FHDC1: variants seen among roughly 807,000 people sequenced by gnomAD.
FHDC1 encodes FH2 domain-containing protein 1.
FHDC1 carries 25 observed loss-of-function variants against 52.6 expected under a neutral mutation model. The observed-to-expected ratio is 0.48, with a 90% CI of 0.35 to 0.66. The LOEUF (loss-of-function observed/expected upper bound fraction) is 0.66. FHDC1 is among the 30% of genes least tolerant of loss of function. The pLI, the probability that FHDC1 is intolerant of heterozygous loss-of-function variation, is 0.01. For synonymous variants in FHDC1, 616 were observed against 581.5 expected (o/e 1.06, Z -0.85); for missense variants, 1,459 against 1,452.8 (o/e 1.00, Z -0.07).
rs368429472 is a variant in FHDC1, at chr4:152,949,090, G to GTAATAATAA, written c.499-4381_499-4373dup. ...GGCAACAGAGCAAAACCTTGTCTCA[G>GTAATAATAA]TAATAATAATAATAATAATAATAAT... On this transcript the variant is annotated intron_variant, in intron 2 of 11. Coordinates refer to ENST00000511601, the MANE Select transcript of FHDC1 (RefSeq NM_001371116.1). Among the ~76,000 whole-genome samples the GTAATAATAA allele has an allele frequency of 9.4e-3, 1,104 of 117,472 alleles. 8 individuals are homozygous for GTAATAATAA. The highest frequency in any genetic ancestry group is 0.013 in the Middle Eastern group (3 of 238). 77.1% of individuals were successfully genotyped at this position (117,472 alleles called of 152,430 possible).
Position 152,976,523 on chromosome 4 carries a change from G to A in FHDC1, c.3232G>A (p.Ala1078Thr), listed in dbSNP as rs1740892388. Reference sequence around the variant, plus strand: ...GAGGGTGAAAGGGGACCCCGAGGATGCCGCTCCCAAGGACAGCAGCACTTT... The same window carrying A: ...GAGGGTGAAAGGGGACCCCGAGGATACCGCTCCCAAGGACAGCAGCACTTT... ...QLRVKGDPED[A>T]APKDSSTLRR... The change falls in exon 12 of 12, where the codon GCC becomes ACC. Residue 1078 changes from alanine (A) to threonine (T), a missense_variant. Ala to Thr is a moderately conservative substitution (Grantham distance 58). Transcript: ENST00000511601. The A allele has an allele frequency of 6.2e-7, 1 of 1,613,144 alleles. No individual in the cohort carries two copies.
At chr4:152,928,524 T>C in the FHDC1 span, among the ~76,000 whole-genome samples, 1 of 152,222 alleles carries the variant, frequency 6.6e-6, no homozygotes, top group African/African-American at 2.4e-5. Context: ...CCGGTCGACT[T>C]GCCAAAGGGT....
At chr4:152,912,509 AC>A in the FHDC1 span, among the ~76,000 whole-genome samples, 1 of 152,340 alleles carries the variant, frequency 6.6e-6, no homozygotes, top group South Asian at 2.1e-4. Context: ...AAAAGTATAT[AC>A]ATACTTCTAA....
At chr4:152,957,468 A>G (rs1216277154) in intron 4 of FHDC1, among the ~76,000 whole-genome samples, 1 of 152,222 alleles carries the variant, frequency 6.6e-6, no homozygotes, top group African/African-American at 2.4e-5. Flanking sequence ...TTGCTGAGTG[A>G]TACAGCAGCG....
At chr4:152,967,079 C>T (rs1370498176) in intron 9 of FHDC1, among the ~76,000 whole-genome samples, 3 of 152,056 alleles carry the variant, frequency 2.0e-5, no homozygotes, top group African/African-American at 4.8e-5. Context: ...ATGATCTTGC[C>T]ACTGCTCTTC....
In FHDC1 at chr4:152,959,116, A is replaced by G. The variant is rs141181536; in HGVS notation, c.664-1449A>G. Reference sequence around the variant, plus strand: ...ATCATAACCAAGGGAGTGGAAGATAATAAGCTTTATAAAGAATAATATGAA... The same window carrying G: ...ATCATAACCAAGGGAGTGGAAGATAGTAAGCTTTATAAAGAATAATATGAA... On this transcript the variant is annotated intron_variant, in intron 4 of 11. Coordinates refer to ENST00000511601, the MANE Select transcript of FHDC1 (RefSeq NM_001371116.1). Among the ~76,000 whole-genome samples the G allele has an allele frequency of 1.0e-3, 157 of 152,350 alleles. 1 individual carries two copies. The highest frequency in any genetic ancestry group is 3.7e-3 in the African/African-American group (154 of 41,580).
At chr4:152,949,118 T>TAAGAAGAAGAAGAAGAAG (rs758697130) in intron 2 of FHDC1, among the ~76,000 whole-genome samples, 25 of 75,870 alleles carry the variant, frequency 3.3e-4, no homozygotes, top group East Asian at 1.7e-3. Flanking sequence ...ATAATAATAA[T>TAAGAAGAAGAAGAAGAAG]AATAATAAGA....
intron 2 of FHDC1, among the ~76,000 whole-genome samples, chr4:152,948,745 C>T (rs1042554230): frequency 6.6e-6 from 1 of 152,112 alleles, no homozygotes; most frequent in Non-Finnish European, 1.5e-5. Context: ...TGTGAGCCAC[C>T]ACACTGGGCT....
intron 4 of FHDC1, among the ~76,000 whole-genome samples, chr4:152,956,974 C>T (rs147352229): frequency 2.4e-4 from 36 of 152,166 alleles, no homozygotes; most frequent in African/African-American, 7.7e-4. Context: ...AAGCCGAAGC[C>T]GCTCCCTGAC....
chr4:152,923,282 C>G, the FHDC1 span, among the ~76,000 whole-genome samples: 3 of 152,036 alleles, frequency 2.0e-5, no homozygotes, highest in African/African-American at 4.8e-5. Context: ...AATAAAATAC[C>G]TAGGAATCCA....
chr4:152,946,941 A>G (rs1041157733), intron 2 of FHDC1, among the ~76,000 whole-genome samples: 3 of 152,212 alleles, frequency 2.0e-5, no homozygotes, highest in East Asian at 3.8e-4. Context: ...GTACAGGGCC[A>G]GGCACGGTGG....
At chr4:152,918,086 A>G in the FHDC1 span, among the ~76,000 whole-genome samples, 1 of 152,234 alleles carries the variant, frequency 6.6e-6, no homozygotes, top group Non-Finnish European at 1.5e-5. Flanking sequence ...TTTAAAAAAT[A>G]TATAATGACA....
intron 1 of FHDC1, among the ~76,000 whole-genome samples, chr4:152,940,550 T>G (rs1739547617): frequency 6.6e-6 from 1 of 152,222 alleles, no homozygotes; most frequent in African/African-American, 2.4e-5. Context: ...TTGGAGTATA[T>G]AGTCTTCCTT....
the FHDC1 span, among the ~76,000 whole-genome samples, chr4:152,924,535 A>G: frequency 6.6e-6 from 1 of 152,208 alleles, no homozygotes; most frequent in Admixed American, 6.5e-5. Flanking sequence ...ACTATAAATC[A>G]TGCTGCTATA....
the FHDC1 span, among the ~76,000 whole-genome samples, chr4:152,923,592 T>C: frequency 2.0e-4 from 31 of 152,306 alleles, no homozygotes; most frequent in South Asian, 1.7e-3. Flanking sequence ...GGCATCACGC[T>C]ACCTGACTTC....
chr4:152,975,401 A>G lies in FHDC1; in HGVS notation c.2110A>G (p.Met704Val). Residue 704 changes from methionine to valine, a missense_variant, in exon 12 of 12, where the codon ATG (methionine) becomes GTG (valine). Met to Val is a conservative substitution (Grantham distance 21). Transcript: ENST00000511601. ...SQLTLSDFSP[M>V]ELESVGHRGP... ...GCTGACTCTGAGTGACTTCAGCCCG[A>G]TGGAGCTAGAGTCTGTGGGGCATAG... is the stretch of plus-strand genomic sequence containing the variant. 1.2e-6 allele frequency: 2 copies of G among 1,613,626 alleles called. No homozygotes were observed. The highest frequency in any genetic ancestry group is 1.7e-6 in the Non-Finnish European group (2 of 1,180,032).
the FHDC1 span, among the ~76,000 whole-genome samples, chr4:152,919,612 C>G: frequency 6.6e-6 from 1 of 152,152 alleles, no homozygotes; most frequent in Non-Finnish European, 1.5e-5. Context: ...ACATAGAATG[C>G]TTGACTCTTT....
chr4:152,937,692 T>G (rs1263452632), intron 1 of FHDC1, among the ~76,000 whole-genome samples: 2 of 151,776 alleles, frequency 1.3e-5, no homozygotes, highest in Admixed American at 6.6e-5. Context: ...GCGCGGCGCG[T>G]GTGGGCGTCG....
chr4:152,951,755 C>CA (rs1026423648), intron 2 of FHDC1, among the ~76,000 whole-genome samples: 16 of 151,976 alleles, frequency 1.1e-4, no homozygotes, highest in African/African-American at 3.9e-4. Flanking sequence ...CTCCCGTTAC[C>CA]AAAAAACAAA....
Sources: allele counts gnomAD v4.1 joint callset (sites outside exome capture counted in the v4.1 genomes callset), GRCh38; gene constraint gnomAD v4.1.1; transcripts MANE v1.5; gene names NCBI Gene and HGNC (gene_info 2026-07-23, HGNC 2026-07-21).